The following CCDC117 variants were observed in gnomAD, a reference collection of about 807,000 sequenced individuals.
The protein encoded by CCDC117 is coiled-coil domain containing 117.
CCDC117 carries 1 observed loss-of-function variant against 23.5 expected under a neutral mutation model. The observed-to-expected ratio is 0.04, with a 90% CI of 0.02 to 0.20. The LOEUF (loss-of-function observed/expected upper bound fraction) is 0.20, where lower values mean the gene tolerates loss of function less well. Ranked by LOEUF, CCDC117 falls within the 10% of genes least tolerant of loss-of-function variation. The pLI is 1.00. For missense variants in CCDC117, 383 were observed against 348.2 expected (o/e 1.10, Z -0.80); for synonymous variants, 132 against 124.8 (o/e 1.06, Z -0.39).
intron 4 of CCDC117, among the ~76,000 whole-genome samples, chr22:28,784,598 A>G (rs1362162265): frequency 6.6e-6 from 1 of 152,192 alleles, no homozygotes; most frequent in African/African-American, 2.4e-5. Context: ...TTGGTCTTTG[A>G]TCACAGAGGT....
intron 2 of CCDC117, among the ~76,000 whole-genome samples, chr22:28,779,079 C>T (rs1226288900): frequency 6.6e-6 from 1 of 152,196 alleles, no homozygotes; most frequent in Non-Finnish European, 1.5e-5. Context: ...TCTCCTCCCT[C>T]AGCCTCCCAA....
In CCDC117 at chr22:28,788,962, T is replaced by C. The variant is rs566379902; in HGVS notation, c.*2636T>C. ...GTTTGAGTAGGGTGCGTTGTGGATT[T>C]TGTTTTTTGGGTTTTTTTTTTTTTT... On this transcript the variant is annotated 3_prime_UTR_variant, in exon 5 of 5. Coordinates refer to ENST00000249064, the MANE Select transcript of CCDC117 (RefSeq NM_173510.4). 1.3e-5 allele frequency: 2 copies of C among 149,650 alleles called. No individual in the cohort carries two copies. The highest frequency in any genetic ancestry group is 4.2e-4 in the South Asian group (2 of 4,770). 9.3% of individuals were successfully genotyped at this position (149,650 alleles called of 1,614,324 possible). A position where few individuals can be genotyped will look rare whatever the true frequency, so the allele number is the denominator to read the frequency against.
At chr22:28,779,894 A>G (rs543824318) in intron 2 of CCDC117, among the ~76,000 whole-genome samples, 25 of 152,328 alleles carry the variant, frequency 1.6e-4, no homozygotes, top group African/African-American at 6.0e-4. Context: ...TACGTACATA[A>G]TAGAACAGGG....
chr22:28,780,572 A>G (rs114200800), intron 2 of CCDC117, among the ~76,000 whole-genome samples: 1,610 of 152,022 alleles, frequency 0.011, 35 homozygotes, highest in African/African-American at 0.037. Flanking sequence ...TGATCTTCCC[A>G]CCTCAGCCAT....
At chr22:28,776,605 A>G (rs1290347524) in intron 2 of CCDC117, among the ~76,000 whole-genome samples, 2 of 146,076 alleles carry the variant, frequency 1.4e-5, no homozygotes, top group Non-Finnish European at 3.0e-5. Context: ...TTTTTTTGAG[A>G]CGGAGTTTCG....
chr22:28,774,495 C>G lies in CCDC117; in HGVS notation c.239+717C>G, dbSNP rs374811776. Among the ~76,000 whole-genome samples, 263 of 151,618 alleles carry G rather than the reference C, an allele frequency of 1.7e-3. 1 individual carries two copies. Among genetic ancestry groups the G allele is most frequent in the African/African-American group, 6.1e-3 (250 of 41,292 alleles). ...CAAATGATCCCTCAGCTTCAGCCTCCTGAACAGCTGAGACTACAGACTTGT... is the reference window on the plus strand; with the variant it reads ...CAAATGATCCCTCAGCTTCAGCCTCGTGAACAGCTGAGACTACAGACTTGT... On this transcript the variant is annotated intron_variant, in intron 2 of 4. Coordinates refer to ENST00000249064, the MANE Select transcript of CCDC117 (RefSeq NM_173510.4).
intron 4 of CCDC117, 111 bp from the exon 5 acceptor site, chr22:28,785,978 G>A: frequency 1.4e-6 from 1 of 705,180 alleles, no homozygotes; most frequent in Non-Finnish European, 2.4e-6. Context: ...TAAATCTCCT[G>A]TTTTGCTATC....
At position 28,788,421 on chromosome 22, in the gene CCDC117, C is replaced by T. The variant is rs151025039; in HGVS notation, c.*2095C>T. Reference sequence around the variant, plus strand: ...TTCCAAAGAAGGACCTAAAACACACCAAGATTGTCTTCTACAGGAATTGCT... The same window carrying T: ...TTCCAAAGAAGGACCTAAAACACACTAAGATTGTCTTCTACAGGAATTGCT... On this transcript the variant is annotated 3_prime_UTR_variant, in exon 5 of 5. Transcript: ENST00000249064. 1 of 152,456 alleles carries T rather than the reference C, an allele frequency of 6.6e-6. No individual in the cohort carries two copies. The highest frequency in any genetic ancestry group is 1.5e-5 in the Non-Finnish European group (1 of 68,004). The allele number at this position is 152,456 out of a possible 1,614,324, so 9.4% of individuals were successfully genotyped here.
intron 2 of CCDC117, among the ~76,000 whole-genome samples, chr22:28,775,136 C>G (rs1366405532): frequency 6.6e-6 from 1 of 152,166 alleles, no homozygotes; most frequent in Non-Finnish European, 1.5e-5. Flanking sequence ...TGGTGCGTAA[C>G]TGTAATGCCA....
At chr22:28,777,137 C>CT (rs1569197490) in intron 2 of CCDC117, among the ~76,000 whole-genome samples, 1 of 149,170 alleles carries the variant, frequency 6.7e-6, no homozygotes, top group Non-Finnish European at 1.5e-5. Context: ...CTCCCGTGTT[C>CT]AAGTGATTCT....
At position 28,786,181 on chromosome 22, in the gene CCDC117, C is replaced by A; in HGVS notation, c.695C>A (p.Thr232Lys). The A allele has an allele frequency of 6.2e-7, 1 of 1,614,100 alleles. No individual in the cohort carries two copies. The highest frequency in any genetic ancestry group is 8.5e-7 in the Non-Finnish European group (1 of 1,179,954). The change falls in exon 5 of 5, where the codon ACA (threonine) becomes AAA (lysine). Residue 232 changes from threonine to lysine, a missense_variant. Physicochemically the swap from Thr to Lys is moderately conservative, Grantham distance 78. Coordinates refer to ENST00000249064, the MANE Select transcript of CCDC117 (RefSeq NM_173510.4). ...PKPSSNTKNY[T>K]GESQAKHVAA... ...CCATCCTCTAATACTAAGAACTATA[C>A]AGGAGAGAGCCAAGCTAAGCATGTA...
chr22:28,774,201 G>C (rs1458791591), intron 2 of CCDC117, among the ~76,000 whole-genome samples: 2 of 150,368 alleles, frequency 1.3e-5, no homozygotes, highest in African/African-American at 2.4e-5. Flanking sequence ...CCGAGTAGCT[G>C]GGACTACAGG....
chr22:28,779,224 C>T (rs117836097), intron 2 of CCDC117, among the ~76,000 whole-genome samples: 3,448 of 152,076 alleles, frequency 0.023, 77 homozygotes, highest in African/African-American at 0.052. Flanking sequence ...ATTTTTGAGA[C>T]GGAGCCTTGG....
At chr22:28,773,565 C>T (rs1258446678) in intron 1 of CCDC117, among the ~76,000 whole-genome samples, 160 bp from the exon 2 acceptor site, 3 of 152,206 alleles carry the variant, frequency 2.0e-5, no homozygotes, top group African/African-American at 7.2e-5. Flanking sequence ...GGCAATCCAC[C>T]GTTACCCGAC....
At chr22:28,778,500 C>CG (rs1411387373) in intron 2 of CCDC117, among the ~76,000 whole-genome samples, 1 of 151,920 alleles carries the variant, frequency 6.6e-6, no homozygotes, top group Non-Finnish European at 1.5e-5. Context: ...CCCAGCTACT[C>CG]GGGGGGCTGA....
intron 2 of CCDC117, among the ~76,000 whole-genome samples, chr22:28,779,019 G>A (rs2031247717): frequency 6.6e-6 from 1 of 151,988 alleles, no homozygotes; most frequent in South Asian, 2.1e-4. Flanking sequence ...TTGGGGATGT[G>A]GACTCTCACT....
intron 2 of CCDC117, among the ~76,000 whole-genome samples, chr22:28,779,940 A>T (rs970688289): frequency 2.6e-5 from 4 of 152,234 alleles, no homozygotes; most frequent in African/African-American, 9.6e-5. Context: ...GACAGCTTTC[A>T]GCTAAACACT....
intron 2 of CCDC117, among the ~76,000 whole-genome samples, chr22:28,776,699 C>G (rs1289927942): frequency 6.6e-6 from 1 of 152,156 alleles, no homozygotes; most frequent in African/African-American, 2.4e-5. Flanking sequence ...GTTCTCCTGC[C>G]TCAGCCTCCT....
At position 28,781,325 on chromosome 22, in the gene CCDC117, T is replaced by TTTTTG. The variant is rs760858945; in HGVS notation, c.464+163_464+167dup. Among the ~76,000 whole-genome samples the TTTTTG allele has an allele frequency of 3.2e-3, 362 of 111,668 alleles. 84 individuals are homozygous for TTTTTG. The highest frequency in any genetic ancestry group is 8.3e-3 in the Middle Eastern group (2 of 242). The allele number at this position is 111,668 out of a possible 152,430, so 73.3% of individuals were successfully genotyped here. ...AATTCAAAGTGTATTCGTTTTTGTTTTTTTGTTTTGTTTTTTTTTTTTTTT... is the reference window on the plus strand; with the variant it reads ...AATTCAAAGTGTATTCGTTTTTGTTTTTTTGTTTTGTTTTGTTTTTTTTTTTTTTT... On this transcript the variant is annotated intron_variant, in intron 3 of 4. Coordinates refer to ENST00000249064, the MANE Select transcript of CCDC117 (RefSeq NM_173510.4).
Sources: allele counts gnomAD v4.1 joint callset (sites outside exome capture counted in the v4.1 genomes callset), GRCh38; gene constraint gnomAD v4.1.1; transcripts MANE v1.5; gene names NCBI Gene and HGNC (gene_info 2026-07-23, HGNC 2026-07-21).